Variants in SUCLG2 observed in about 807,000 individuals in gnomAD.
SUCLG2 encodes the protein succinate--CoA ligase [GDP-forming] subunit beta, mitochondrial.
In SUCLG2, 42 loss-of-function variants were observed where a neutral mutation model predicts 47.9. That is an observed-to-expected ratio of 0.88 (90% CI 0.69 to 1.14). The LOEUF (loss-of-function observed/expected upper bound fraction) is 1.14, where lower values mean the gene tolerates loss of function less well. Among genes scored for constraint, SUCLG2 ranks in the 50% most tolerant of loss-of-function variants. The pLI is 0.00. For synonymous variants in SUCLG2, 195 were observed against 197.3 expected (o/e 0.99, Z 0.10); for missense variants, 571 against 525.9 (o/e 1.09, Z -0.84).
At chr3:67,462,942 A>G (rs190785033) in intron 9 of SUCLG2, among the ~76,000 whole-genome samples, 1 of 151,238 alleles carries the variant, frequency 6.6e-6, no homozygotes, top group African/African-American at 2.4e-5. Flanking sequence ...GGTGGGGAAA[A>G]CCCCCCACAC....
intron 9 of SUCLG2, among the ~76,000 whole-genome samples, chr3:67,460,314 G>A (rs1164399489): frequency 6.6e-6 from 1 of 152,172 alleles, no homozygotes; most frequent in Non-Finnish European, 1.5e-5. Context: ...TCACATGATA[G>A]TACAATAAAA....
chr3:67,575,912 G>T (rs1260303291), intron 2 of SUCLG2, among the ~76,000 whole-genome samples: 1 of 152,172 alleles, frequency 6.6e-6, no homozygotes, highest in Non-Finnish European at 1.5e-5. Context: ...AGGGGCAGCT[G>T]TTCTCTGGAT....
intron 1 of SUCLG2, among the ~76,000 whole-genome samples, chr3:67,645,630 T>C (rs372122262): frequency 1.3e-5 from 2 of 152,158 alleles, no homozygotes; most frequent in African/African-American, 2.4e-5. Context: ...TCAATTTTAA[T>C]GATACATCAC....
At chr3:67,498,872 T>C (rs1245551456) in intron 7 of SUCLG2, among the ~76,000 whole-genome samples, 1 of 152,190 alleles carries the variant, frequency 6.6e-6, no homozygotes, top group Admixed American at 6.5e-5. Context: ...ATAAAAATTG[T>C]ATACACTTGA....
chr3:67,370,558 A>G (rs1228090837), downstream of SUCLG2, among the ~76,000 whole-genome samples: 1 of 152,164 alleles, frequency 6.6e-6, no homozygotes, highest in Non-Finnish European at 1.5e-5. Context: ...AGGGCATCCA[A>G]GACTCCCGAG....
At chr3:67,415,913 C>G (rs1258455313) in intron 9 of SUCLG2, among the ~76,000 whole-genome samples, 1 of 152,180 alleles carries the variant, frequency 6.6e-6, no homozygotes, top group African/African-American at 2.4e-5. Flanking sequence ...GGTATTGGGG[C>G]TCCTTCCTAT....
intron 9 of SUCLG2, among the ~76,000 whole-genome samples, chr3:67,450,451 T>C (rs1704029860): frequency 6.6e-6 from 1 of 152,188 alleles, no homozygotes; most frequent in African/African-American, 2.4e-5. Flanking sequence ...CTTGAGATTT[T>C]CTGGAATTGA....
chr3:67,520,577 C>A lies in SUCLG2; in HGVS notation c.475G>T (p.Asp159Tyr). 6.2e-7 allele frequency: 1 copy of A among 1,614,070 alleles called. No homozygotes were observed. Among genetic ancestry groups the A allele is most frequent in the Non-Finnish European group, 8.5e-7 (1 of 1,179,978 alleles). The change falls in exon 5 of 11, where the codon GAC (aspartate) becomes TAC (tyrosine). Residue 159 changes from aspartate (D) to tyrosine (Y), a missense_variant. By Grantham distance (160) the Asp-to-Tyr change is radical (BLOSUM62 -3). Transcript: ENST00000307227. Reference protein sequence around the residue: ...SRETYLAILMDRSCNGPVLVG... With the variant: ...SRETYLAILMYRSCNGPVLVG... ...AGCACGGGGCCATTGCAGGACCGGT[C>A]CATCAGAATTGCCAGGTAGGTTTCT...
At chr3:67,495,732 C>G (rs1705318105) in intron 9 of SUCLG2, 66 bp downstream of exon 9, 2 of 1,585,420 alleles carry the variant, frequency 1.3e-6, no homozygotes, top group Non-Finnish European at 1.7e-6. Flanking sequence ...CCAGGAAGAA[C>G]AAGTGAGCTC....
At chr3:67,594,092 C>A (rs1035439860) in intron 2 of SUCLG2, among the ~76,000 whole-genome samples, 3 of 152,178 alleles carry the variant, frequency 2.0e-5, no homozygotes, top group African/African-American at 4.8e-5. Flanking sequence ...AGGCCTGGAC[C>A]CAACCTGCAG....
chr3:67,459,935 AG>A (rs1207173147), intron 9 of SUCLG2, among the ~76,000 whole-genome samples: 3 of 152,048 alleles, frequency 2.0e-5, no homozygotes, highest in Non-Finnish European at 4.4e-5. Context: ...AGCAGGGAAA[AG>A]GGCTCCCTTC....
chr3:67,370,046 A>G (rs1262089433), downstream of SUCLG2, among the ~76,000 whole-genome samples: 1 of 152,206 alleles, frequency 6.6e-6, no homozygotes, highest in African/African-American at 2.4e-5. Flanking sequence ...ATGAGAAAAC[A>G]TAGTTTAATG....
chr3:67,558,744 T>C (rs889193662), intron 2 of SUCLG2, among the ~76,000 whole-genome samples: 1 of 152,208 alleles, frequency 6.6e-6, no homozygotes, highest in African/African-American at 2.4e-5. Context: ...CAGATGATGA[T>C]TGTTAAGCAA....
intron 2 of SUCLG2, among the ~76,000 whole-genome samples, chr3:67,592,718 C>CAAAAAAAAAAAAAAAAAAAAAAAAA (rs754866312): frequency 5.0e-5 from 4 of 80,264 alleles, no homozygotes; most frequent in African/African-American, 2.4e-4. Flanking sequence ...TCACATCCTC[C>CAAAAAAAAAAAAAAAAAAAAAAAAA]AAAAAAAAAA....
At chr3:67,613,061 T>C (rs1316227603) in intron 1 of SUCLG2, among the ~76,000 whole-genome samples, 3 of 152,206 alleles carry the variant, frequency 2.0e-5, no homozygotes, top group Non-Finnish European at 2.9e-5. Flanking sequence ...TACCGCCACA[T>C]ATTTGGCAAT....
At position 67,360,787 on chromosome 3, in the gene SUCLG2, T is replaced by C. The variant is rs534313643; in HGVS notation, c.1184-19A>G. 38 of 1,500,728 alleles carry C rather than the reference T, an allele frequency of 2.5e-5. No individual in the cohort carries two copies. The East Asian group carries it at 8.1e-4, about 32-fold the overall frequency. 93.0% of individuals were successfully genotyped at this position (1,500,728 alleles called of 1,614,324 possible). ...AAAGTACCTGAAATTGGAGTGAGAT[T>C]CTTGTAATGAGTTTTTTCTTGCAAT... On this transcript the variant is annotated intron_variant, in intron 10 of 10. Coordinates refer to the SUCLG2 transcript ENST00000493112.
intron 9 of SUCLG2, among the ~76,000 whole-genome samples, chr3:67,475,110 G>C (rs574333040): frequency 6.6e-6 from 1 of 152,150 alleles, no homozygotes; most frequent in African/African-American, 2.4e-5. Context: ...TAAGTGAATG[G>C]CATAAGTGAT....
chr3:67,578,570 G>A (rs898219911), intron 2 of SUCLG2, among the ~76,000 whole-genome samples: 1 of 152,104 alleles, frequency 6.6e-6, no homozygotes, highest in Non-Finnish European at 1.5e-5. Context: ...GGCCAGGGAG[G>A]AAGGAAAGGA....
chr3:67,449,508 C>T (rs1704002441), intron 9 of SUCLG2, among the ~76,000 whole-genome samples: 1 of 150,940 alleles, frequency 6.6e-6, no homozygotes. Context: ...TTCAATAATC[C>T]TCCTTTTCCT....
Sources: gnomAD v4.1 joint callset for allele counts (sites outside exome capture counted in the v4.1 genomes callset) on GRCh38, gnomAD v4.1.1 for gene constraint, MANE v1.5 for transcripts, NCBI Gene and HGNC (gene_info 2026-07-23, HGNC 2026-07-21) for gene names.